Variants in SNAP47 observed in about 807,000 individuals in gnomAD.
SNAP47 encodes the protein synaptosome associated protein 47.
A neutral mutation model predicts 31.4 loss-of-function variants in SNAP47; 20 were observed. The observed-to-expected ratio is 0.64, with a 90% CI of 0.45 to 0.93. The LOEUF is 0.93. Ranked by LOEUF, SNAP47 falls within the 40% of genes least tolerant of loss-of-function variation. The pLI is 0.00. For missense variants in SNAP47, 492 were observed against 528.5 expected, an observed-to-expected ratio of 0.93 and a Z score of 0.68; for synonymous variants, 194 against 213.4, an observed-to-expected ratio of 0.91 and a Z score of 0.79.
At chr1:227,750,436 C>T (rs1332886433) in intron 2 of SNAP47, among the ~76,000 whole-genome samples, 1 of 152,260 alleles carries the variant, frequency 6.6e-6, no homozygotes, top group Admixed American at 6.5e-5. Context: ...CCATCACAGA[C>T]ACGTGCAGAG....
upstream of SNAP47, chr1:227,734,126 G>A (rs2102866563): frequency 7.0e-7 from 1 of 1,421,322 alleles, no homozygotes; most frequent in African/African-American, 1.4e-5. Flanking sequence ...ATCGGCTCCA[G>A]TGGAGCTTCC....
upstream of SNAP47, chr1:227,733,669 A>G (rs766127150): frequency 5.6e-6 from 9 of 1,600,878 alleles, no homozygotes; most frequent in African/African-American, 6.7e-5. Flanking sequence ...AGATGTCAGC[A>G]TGGAACGGGG....
At chr1:227,734,767 C>A, upstream of SNAP47, 1 of 1,614,140 alleles carries the variant, frequency 6.2e-7, no homozygotes, top group Non-Finnish European at 8.5e-7. Flanking sequence ...CTTTGGGGTT[C>A]GAGTTGTATT....
chr1:227,733,579 C>T, upstream of SNAP47: 1 of 1,607,642 alleles, frequency 6.2e-7, no homozygotes. Flanking sequence ...GGCGGTCCCG[C>T]AGGGCCTCTT....
chr1:227,777,758 T>G (rs1188644545), intron 4 of SNAP47, among the ~76,000 whole-genome samples: 5 of 152,142 alleles, frequency 3.3e-5, no homozygotes, highest in Non-Finnish European at 7.3e-5. Context: ...CCAAAGACAC[T>G]CCAGTCAGAG....
chr1:227,733,655 C>T (rs774389708), upstream of SNAP47: 8 of 1,602,348 alleles, frequency 5.0e-6, no homozygotes, highest in South Asian at 3.3e-5. Flanking sequence ...GCTGAAGGAG[C>T]GGAAGATGTC....
At chr1:227,766,712 C>T (rs1663425006) in intron 3 of SNAP47, among the ~76,000 whole-genome samples, 1 of 152,196 alleles carries the variant, frequency 6.6e-6, no homozygotes, top group Non-Finnish European at 1.5e-5. Flanking sequence ...TAAAATAAAA[C>T]CACTTGGGAT....
chr1:227,775,815 C>G, intron 4 of SNAP47: 2 of 1,304,182 alleles, frequency 1.5e-6, no homozygotes, highest in South Asian at 2.5e-5. Flanking sequence ...CGCTGTCAAC[C>G]CAGACAGTGT....
chr1:227,733,488 G>A (rs1472879907), upstream of SNAP47: 5 of 1,595,102 alleles, frequency 3.1e-6, no homozygotes, highest in Non-Finnish European at 4.3e-6. Flanking sequence ...ATCTCCAAGG[G>A]TGGGCCAGCA....
chr1:227,734,752 G>A, upstream of SNAP47: 1 of 1,614,128 alleles, frequency 6.2e-7, no homozygotes. Flanking sequence ...TGAGAGTCAT[G>A]TGCTCTTTGG....
At position 227,759,001 on chromosome 1, in the gene SNAP47, G is replaced by A. The variant is rs778591128; in HGVS notation, c.504G>A (p.Leu168=). The part of the protein sequence containing the change: ...ESDLEVADRL[L]TELESPAWWP... The stretch of plus-strand genomic sequence containing the variant: ...GTTTTGTTTGCTTTTTCAGATTGCT[G>A]ACAGAACTGGAATCTCCTGCTTGGT... Residue 168 remains leucine (L), a synonymous_variant, in exon 3 of 5, where the codon CTG becomes CTA. Coordinates refer to ENST00000617596, the MANE Select transcript of SNAP47 (RefSeq NM_053052.4). 1 of 1,577,892 alleles carries A rather than the reference G, an allele frequency of 6.3e-7. No individual in the cohort carries two copies. Among genetic ancestry groups the A allele is most frequent in the East Asian group, 2.2e-5 (1 of 44,476 alleles).
chr1:227,774,635 T>C (rs866768021), intron 4 of SNAP47, among the ~76,000 whole-genome samples: 1 of 151,146 alleles, frequency 6.6e-6, no homozygotes, highest in Non-Finnish European at 1.5e-5. Flanking sequence ...GGGAGCAGAC[T>C]CATTGGCCAC....
chr1:227,749,829 C>T (rs1471790493), intron 2 of SNAP47, among the ~76,000 whole-genome samples: 1 of 149,266 alleles, frequency 6.7e-6, no homozygotes, highest in African/African-American at 2.6e-5. Context: ...TTGTGTGTGT[C>T]ATCTGTGTGT....
chr1:227,773,880 T>A (rs1663992782), intron 4 of SNAP47, among the ~76,000 whole-genome samples: 1 of 152,254 alleles, frequency 6.6e-6, no homozygotes, highest in Non-Finnish European at 1.5e-5. Flanking sequence ...TCAGGATGCA[T>A]CCACATCATT....
chr1:227,744,984 A>G (rs1558193157), intron 1 of SNAP47, among the ~76,000 whole-genome samples: 1 of 152,036 alleles, frequency 6.6e-6, no homozygotes, highest in East Asian at 1.9e-4. Context: ...CTGACTCTGC[A>G]CCTGTATTGT....
rs1435735885 is a variant in SNAP47, at chr1:227,763,141, T to C, written c.988+3656T>C. Among the ~76,000 whole-genome samples, 1 of 151,724 alleles carries C rather than the reference T, an allele frequency of 6.6e-6. No homozygotes were observed. The highest frequency in any genetic ancestry group is 6.6e-5 in the Admixed American group (1 of 15,250). On this transcript the variant is annotated intron_variant, in intron 3 of 4. Transcript: ENST00000617596. The surrounding 1 kb of genome is among the most constrained non-coding windows in gnomAD (Gnocchi z 4.2). ...CCAGCTAATTTTTTTTTTTTTTAAT[T>C]ATGGGGTCTTGCCGTGTTGCCTAGG...
At chr1:227,733,628 C>G, upstream of SNAP47, 1 of 1,603,108 alleles carries the variant, frequency 6.2e-7, no homozygotes, top group Non-Finnish European at 8.5e-7. Flanking sequence ...CTTCCTCCCA[C>G]AGACATTGAC....
intron 1 of SNAP47, among the ~76,000 whole-genome samples, chr1:227,740,733 A>G (rs1571986620): frequency 1.3e-5 from 2 of 152,308 alleles, no homozygotes; most frequent in East Asian, 3.9e-4. Context: ...CTGCCAGGAC[A>G]TGCTCATGGC....
upstream of SNAP47, chr1:227,732,781 G>A: frequency 1.3e-6 from 2 of 1,591,510 alleles, no homozygotes; most frequent in African/African-American, 1.3e-5. Flanking sequence ...GGACCATTAA[G>A]ACAGAGGCAC....
Sources: allele counts gnomAD v4.1 joint callset (sites outside exome capture counted in the v4.1 genomes callset), GRCh38; gene constraint gnomAD v4.1.1; non-coding constraint Gnocchi (gnomAD v3.1); transcripts MANE v1.5; gene names NCBI Gene and HGNC (gene_info 2026-07-23, HGNC 2026-07-21).